The following ADGRB3 variants were observed in gnomAD, a reference collection of about 807,000 sequenced individuals.
ADGRB3 encodes the protein adhesion G protein-coupled receptor B3, also known as brain-specific angiogenesis inhibitor 3.
A neutral mutation model predicts 193.4 loss-of-function variants in ADGRB3; 37 were observed. The observed-to-expected ratio is 0.19, with a 90% confidence interval of 0.15 to 0.25. The LOEUF (loss-of-function observed/expected upper bound fraction) is 0.25. Among genes scored for constraint, ADGRB3 ranks in the 10% least tolerant of loss-of-function variants. ADGRB3 has a pLI of 1.00. For missense variants in ADGRB3, 1,637 were observed against 1,852.9 expected (o/e 0.88, Z 2.14); for synonymous variants, 690 against 644.2 (o/e 1.07, Z -1.08).
chr6:69,332,866 C>A, intron 23 of ADGRB3, 57 bp from the exon 24 acceptor site: 1 of 1,594,704 alleles, frequency 6.3e-7, no homozygotes, highest in South Asian at 1.1e-5. Context: ...TCAGGAGAAA[C>A]AGGGACCTGA....
chr6:68,983,822 A>C (rs1768996144), intron 10 of ADGRB3, among the ~76,000 whole-genome samples: 1 of 152,170 alleles, frequency 6.6e-6, no homozygotes, highest in Non-Finnish European at 1.5e-5. Flanking sequence ...AAACGACTTC[A>C]GATTAAAATA....
chr6:69,114,209 A>G (rs12194123), intron 17 of ADGRB3, among the ~76,000 whole-genome samples: 1,772 of 152,302 alleles, frequency 0.012, 17 homozygotes, highest in Middle Eastern at 0.024. Context: ...CATTTTACAG[A>G]TAGAAAACCT....
At chr6:68,700,402 G>A (rs1232001013) in intron 3 of ADGRB3, among the ~76,000 whole-genome samples, 1 of 151,742 alleles carries the variant, frequency 6.6e-6, no homozygotes, top group Non-Finnish European at 1.5e-5. Flanking sequence ...AGGTTAAAAA[G>A]GAAATCTATA....
intron 3 of ADGRB3, among the ~76,000 whole-genome samples, chr6:68,752,538 G>A (rs1371095432): frequency 6.6e-6 from 1 of 152,146 alleles, no homozygotes; most frequent in Non-Finnish European, 1.5e-5. Flanking sequence ...CTCCCAAAGT[G>A]CTGGGATTAC....
chr6:69,350,738 A>T (rs908212624), intron 26 of ADGRB3, among the ~76,000 whole-genome samples: 5 of 152,152 alleles, frequency 3.3e-5, no homozygotes, highest in African/African-American at 1.2e-4. Flanking sequence ...ATTCTGGTTG[A>T]GAAAGCAAGA....
At chr6:69,386,736 C>A (rs1770079293) in intron 31 of ADGRB3, among the ~76,000 whole-genome samples, 1 of 152,078 alleles carries the variant, frequency 6.6e-6, no homozygotes, top group Non-Finnish European at 1.5e-5. Context: ...AGCCACCAGA[C>A]CTCCAACCAC....
chr6:69,173,289 C>T (rs781021163), intron 17 of ADGRB3, among the ~76,000 whole-genome samples: 3 of 152,220 alleles, frequency 2.0e-5, no homozygotes, highest in South Asian at 2.1e-4. Context: ...CCACCCACCT[C>T]GGCCTCCCAA....
At chr6:69,326,397 A>G (rs1768569502) in intron 21 of ADGRB3, among the ~76,000 whole-genome samples, 1 of 152,212 alleles carries the variant, frequency 6.6e-6, no homozygotes, top group South Asian at 2.1e-4. Flanking sequence ...TACAGAATAC[A>G]GGTAAAAGAA....
intron 20 of ADGRB3, among the ~76,000 whole-genome samples, chr6:69,288,194 C>T (rs549157723): frequency 1.6e-4 from 25 of 152,288 alleles, no homozygotes; most frequent in African/African-American, 5.8e-4. Flanking sequence ...CTATCCCTCC[C>T]TTAGCCCTCC....
At chr6:68,857,653 C>G (rs1765025960) in intron 3 of ADGRB3, among the ~76,000 whole-genome samples, 1 of 152,186 alleles carries the variant, frequency 6.6e-6, no homozygotes, top group Non-Finnish European at 1.5e-5. Context: ...GCAGAAGGGA[C>G]TTGTCTCAGA....
chr6:68,746,561 G>A (rs1020878944), intron 3 of ADGRB3, among the ~76,000 whole-genome samples: 29 of 151,884 alleles, frequency 1.9e-4, no homozygotes, highest in African/African-American at 7.0e-4. Context: ...CTTGTGACAT[G>A]GCTGTTCTCT....
chr6:69,357,920 A>G (rs1369049396), intron 28 of ADGRB3, among the ~76,000 whole-genome samples: 1 of 151,954 alleles, frequency 6.6e-6, no homozygotes, highest in Non-Finnish European at 1.5e-5. Flanking sequence ...TCCACCTGCC[A>G]TAATTTCTCA....
chr6:68,783,114 G>C (rs1323228982), intron 3 of ADGRB3, among the ~76,000 whole-genome samples: 1 of 151,372 alleles, frequency 6.6e-6, no homozygotes, highest in Non-Finnish European at 1.5e-5. Context: ...TTTAAATATA[G>C]TTTATTATTT....
intron 17 of ADGRB3, among the ~76,000 whole-genome samples, chr6:69,122,029 G>GGCGCTCCTC (rs1773713949): frequency 1.3e-5 from 2 of 151,944 alleles, no homozygotes; most frequent in African/African-American, 2.4e-5. Context: ...GCCAGGCAGA[G>GGCGCTCCTC]ACACTCCCCA....
intron 17 of ADGRB3, among the ~76,000 whole-genome samples, chr6:69,083,748 A>G (rs958154997): frequency 1.3e-5 from 2 of 150,686 alleles, no homozygotes; most frequent in Admixed American, 6.6e-5. Flanking sequence ...TCCAGCTTTC[A>G]TGAGCCACCT....
intron 3 of ADGRB3, among the ~76,000 whole-genome samples, chr6:68,894,491 A>G (rs1766166005): frequency 6.6e-6 from 1 of 151,930 alleles, no homozygotes; most frequent in African/African-American, 2.4e-5. Flanking sequence ...AAAACAGATA[A>G]CTCCAAAATG....
intron 3 of ADGRB3, among the ~76,000 whole-genome samples, chr6:68,824,880 A>G (rs963730226): frequency 3.9e-5 from 6 of 152,052 alleles, no homozygotes; most frequent in Admixed American, 3.9e-4. Context: ...TTTGAGACAG[A>G]GTATCACTCT....
intron 8 of ADGRB3, among the ~76,000 whole-genome samples, chr6:68,971,824 C>T (rs776124976): frequency 5.9e-5 from 9 of 152,254 alleles, no homozygotes; most frequent in Non-Finnish European, 1.3e-4. Flanking sequence ...CCTTCATTGG[C>T]ATTAATCTGG....
chr6:69,368,120 A>G (rs1201491489), intron 29 of ADGRB3, among the ~76,000 whole-genome samples: 4 of 152,030 alleles, frequency 2.6e-5, no homozygotes, highest in African/African-American at 9.7e-5. Context: ...CAATGTGCAC[A>G]TGTACCCTAA....
Sources: allele counts gnomAD v4.1 joint callset (sites outside exome capture counted in the v4.1 genomes callset), GRCh38; gene constraint gnomAD v4.1.1; transcripts MANE v1.5; gene names NCBI Gene and HGNC (gene_info 2026-07-23, HGNC 2026-07-21).